FNDC3B: variants seen among roughly 807,000 people sequenced by gnomAD.
FNDC3B encodes the protein fibronectin type III domain containing 3B, also known as fibronectin type III domain-containing protein 3B.
FNDC3B carries 12 observed loss-of-function variants against 151.5 expected under a neutral mutation model. The observed-to-expected ratio is 0.08, with a 90% CI of 0.05 to 0.13. FNDC3B has a LOEUF of 0.13. FNDC3B is among the 10% of genes least tolerant of loss of function. The pLI is 1.00. For missense variants in FNDC3B, 1,214 were observed against 1,505.3 expected (o/e 0.81, Z 3.20); for synonymous variants, 528 against 549.0 (o/e 0.96, Z 0.54).
intron 23 of FNDC3B, among the ~76,000 whole-genome samples, chr3:172,375,323 C>A (rs1366412862): frequency 1.3e-5 from 2 of 152,170 alleles, no homozygotes; most frequent in African/African-American, 2.4e-5. Flanking sequence ...GGCACAGGCC[C>A]CAAAAGGACA....
At chr3:172,226,846 T>C in intron 3 of FNDC3B, 25 bp from the exon 4 acceptor site, 1 of 1,434,560 alleles carries the variant, frequency 7.0e-7, no homozygotes. Context: ...TCTTCAGCTA[T>C]TAACATCTGA....
intron 25 of FNDC3B, among the ~76,000 whole-genome samples, chr3:172,396,052 ATAACT>A (rs748210584): frequency 1.4e-4 from 22 of 152,234 alleles, no homozygotes; most frequent in Non-Finnish European, 2.8e-4. Flanking sequence ...ACCCAGAAAA[ATAACT>A]TAAGTTCTCA....
At chr3:172,341,056 C>T in intron 16 of FNDC3B, 57 bp from the exon 17 acceptor site, 1 of 1,147,448 alleles carries the variant, frequency 8.7e-7, no homozygotes, top group Non-Finnish European at 1.3e-6. Context: ...TCAGCAATGG[C>T]TGATATGCTA....
intron 22 of FNDC3B, among the ~76,000 whole-genome samples, chr3:172,361,853 G>A (rs79625069): frequency 0.024 from 3,690 of 152,084 alleles, 156 homozygotes; most frequent in African/African-American, 0.085. Context: ...TTATTTTTTT[G>A]TAGAGATGGA....
chr3:172,331,524 A>T (rs1322087251), intron 13 of FNDC3B, among the ~76,000 whole-genome samples: 1 of 151,124 alleles, frequency 6.6e-6, no homozygotes, highest in Non-Finnish European at 1.5e-5. Context: ...CACCCGGCTA[A>T]TTTTTTTTTG....
At chr3:172,152,585 T>TC (rs916856750) in intron 3 of FNDC3B, among the ~76,000 whole-genome samples, 1 of 151,484 alleles carries the variant, frequency 6.6e-6, no homozygotes, top group African/African-American at 2.4e-5. Flanking sequence ...GGGCTTTTTT[T>TC]TTTTTTTTTC....
chr3:172,052,856 C>T (rs1330246025), intron 1 of FNDC3B, among the ~76,000 whole-genome samples: 2 of 152,116 alleles, frequency 1.3e-5, no homozygotes, highest in Non-Finnish European at 2.9e-5. Context: ...TAAAGGACTC[C>T]AGTTAGGAGA....
At chr3:172,109,071 T>C (rs1161133288) in intron 1 of FNDC3B, among the ~76,000 whole-genome samples, 1 of 152,188 alleles carries the variant, frequency 6.6e-6, no homozygotes, top group Non-Finnish European at 1.5e-5. Context: ...GTAGGCCCCA[T>C]CTAGCTGAAT....
In FNDC3B at chr3:172,120,018, G is replaced by A. The variant is rs539588142; in HGVS notation, c.111+7428G>A. On this transcript the variant is annotated intron_variant, in intron 2 of 25. Coordinates refer to ENST00000415807, the MANE Select transcript of FNDC3B (RefSeq NM_022763.4). ...TTTGCCAATTTTGCTCACTACAAAA[G>A]CTTCCAAAAAGGCATAGCCTATGCA... Among the ~76,000 whole-genome samples, 14 of 152,302 alleles carry A rather than the reference G, an allele frequency of 9.2e-5. No individual in the cohort carries two copies. In the East Asian group the frequency reaches 2.5e-3, roughly 27 times the overall value.
intron 24 of FNDC3B, among the ~76,000 whole-genome samples, chr3:172,380,077 T>TTC (rs1475657161): frequency 3.5e-4 from 6 of 17,046 alleles, no homozygotes; most frequent in African/African-American, 6.9e-4. Flanking sequence ...CTTCTTCTTC[T>TTC]TTTTTTTTAA....
At chr3:172,273,727 G>C (rs1342097810) in intron 6 of FNDC3B, among the ~76,000 whole-genome samples, 1 of 152,194 alleles carries the variant, frequency 6.6e-6, no homozygotes, top group African/African-American at 2.4e-5. Flanking sequence ...CCACTCTACA[G>C]TTTAGCACCT....
chr3:172,111,403 A>G (rs990072455), intron 1 of FNDC3B, among the ~76,000 whole-genome samples: 5 of 152,212 alleles, frequency 3.3e-5, no homozygotes, highest in African/African-American at 1.2e-4. Context: ...ATAAAACAGC[A>G]TGATGGTACT....
intron 3 of FNDC3B, among the ~76,000 whole-genome samples, chr3:172,180,559 T>C (rs1351393170): frequency 6.6e-6 from 1 of 152,142 alleles, no homozygotes; most frequent in Non-Finnish European, 1.5e-5. Flanking sequence ...AAGTCCTGTG[T>C]TAGTTGTGGG....
intron 3 of FNDC3B, among the ~76,000 whole-genome samples, chr3:172,209,433 G>T (rs950327120): frequency 6.6e-6 from 1 of 152,172 alleles, no homozygotes; most frequent in Admixed American, 6.5e-5. Flanking sequence ...AAGGCCGAGA[G>T]GAGCTTTATT....
intron 3 of FNDC3B, among the ~76,000 whole-genome samples, chr3:172,156,722 C>G (rs1344488912): frequency 5.5e-5 from 8 of 145,964 alleles, no homozygotes; most frequent in Admixed American, 3.4e-4. Context: ...TCCCCACTGT[C>G]TGCTCTCTAA....
intron 2 of FNDC3B, among the ~76,000 whole-genome samples, chr3:172,119,188 A>G (rs2108551124): frequency 6.6e-6 from 1 of 150,984 alleles, no homozygotes; most frequent in Non-Finnish European, 1.5e-5. Context: ...AAAAAAAAAA[A>G]AAAAGAATGA....
At chr3:172,349,514 T>A (rs1464304665) in intron 21 of FNDC3B, among the ~76,000 whole-genome samples, 1 of 152,136 alleles carries the variant, frequency 6.6e-6, no homozygotes, top group Non-Finnish European at 1.5e-5. Context: ...GTGGTGTAAA[T>A]CAAGAAATGT....
intron 25 of FNDC3B, among the ~76,000 whole-genome samples, chr3:172,389,248 T>A (rs961377530): frequency 1.3e-5 from 2 of 152,226 alleles, no homozygotes; most frequent in African/African-American, 4.8e-5. Flanking sequence ...GTTAAAAAAA[T>A]TGAGACATTA....
intron 13 of FNDC3B, among the ~76,000 whole-genome samples, chr3:172,332,162 G>A (rs1053065450): frequency 6.6e-6 from 1 of 152,040 alleles, no homozygotes; most frequent in Admixed American, 6.6e-5. Context: ...TAGAGACGGG[G>A]TTTCTCCATG....
Sources: gnomAD v4.1 joint callset for allele counts (sites outside exome capture counted in the v4.1 genomes callset) on GRCh38, gnomAD v4.1.1 for gene constraint, MANE v1.5 for transcripts, NCBI Gene and HGNC (gene_info 2026-07-23, HGNC 2026-07-21) for gene names.